Variants in CUX2 observed in about 807,000 individuals in gnomAD.
CUX2 encodes homeobox protein cut-like 2.
A neutral mutation model predicts 144.8 loss-of-function variants in CUX2; 40 were observed. That is an observed-to-expected ratio of 0.28 (90% confidence interval 0.21 to 0.36). CUX2 has a LOEUF of 0.36. Among genes scored for constraint, CUX2 ranks in the 10% least tolerant of loss-of-function variants. The pLI is 1.00. For synonymous variants in CUX2, 827 were observed against 875.6 expected (o/e 0.94, Z 0.98); for missense variants, 1,615 against 1,994.0 (o/e 0.81, Z 3.62).
chr12:111,071,549 C>T (rs1335351920), intron 1 of CUX2, among the ~76,000 whole-genome samples: 1 of 152,142 alleles, frequency 6.6e-6, no homozygotes, highest in East Asian at 1.9e-4. Context: ...TATTTTCTCC[C>T]AGTCTGTGGC....
At chr12:111,125,623 C>T (rs184614088) in intron 1 of CUX2, among the ~76,000 whole-genome samples, 1 of 152,322 alleles carries the variant, frequency 6.6e-6, no homozygotes, top group Admixed American at 6.5e-5. Flanking sequence ...AGATATATCA[C>T]ATTTTATGTA....
chr12:111,256,741 T>G (rs1883835886), intron 3 of CUX2, among the ~76,000 whole-genome samples: 1 of 152,174 alleles, frequency 6.6e-6, no homozygotes, highest in South Asian at 2.1e-4. Context: ...GCCAAGTGAC[T>G]TAACATCCCT....
At chr12:111,099,838 C>G (rs931763336) in intron 1 of CUX2, 1 of 418,296 alleles carries the variant, frequency 2.4e-6, no homozygotes, top group Admixed American at 2.5e-5. Context: ...GGCCGATGGG[C>G]AGCTAGGAGG....
At chr12:111,298,740 G>T in intron 9 of CUX2, 151 bp downstream of exon 9, 1 of 916,528 alleles carries the variant, frequency 1.1e-6, no homozygotes, top group Non-Finnish European at 1.6e-6. Context: ...GCCAGGAGGA[G>T]TCTGGGCCCC....
At position 111,077,987 on chromosome 12, in the gene CUX2, A is replaced by C. The variant is rs1871630628; in HGVS notation, c.63+43747A>C. Among the ~76,000 whole-genome samples the C allele has an allele frequency of 6.6e-6, 1 of 152,254 alleles. No individual in the cohort carries two copies. The highest frequency in any genetic ancestry group is 1.5e-5 in the Non-Finnish European group (1 of 68,034). On this transcript the variant is annotated intron_variant, in intron 1 of 21. Transcript: ENST00000261726. The surrounding 1 kb of genome is among the most constrained non-coding windows in gnomAD (Gnocchi z 4.1). ...AACAAAGGGAGTCCAGGTGGTACCC[A>C]GGGGTGGCAAAGGCATCTCAGCTCT...
At chr12:111,335,109 G>T (rs1448137437) in intron 19 of CUX2, among the ~76,000 whole-genome samples, 2 of 151,964 alleles carry the variant, frequency 1.3e-5, no homozygotes, top group African/African-American at 4.8e-5. Context: ...ATAAATTAAT[G>T]GCTGTGCATG....
Position 111,334,508 on chromosome 12 carries a change from C to T in CUX2, c.2994C>T (p.Ser998=). ...GCCCCACAGAGCCTGAGAAGAGCTC[C>T]CAGGAGCCGTTGAGCCTGTCCCTGG... ...PPSPTEPEKS[S]QEPLSLSLES... is the part of the protein sequence containing the mutation. The change falls in exon 19 of 22, where the codon TCC becomes TCT. Residue 998 remains serine (S), a synonymous_variant. Coordinates refer to ENST00000261726, the MANE Select transcript of CUX2 (RefSeq NM_015267.4). 6.2e-7 allele frequency: 1 copy of T among 1,613,852 alleles called. No individual in the cohort carries two copies.
intron 4 of CUX2, among the ~76,000 whole-genome samples, chr12:111,278,203 G>T (rs907929315): frequency 5.9e-5 from 9 of 152,186 alleles, no homozygotes; most frequent in African/African-American, 2.2e-4. Context: ...GATCACCTGA[G>T]CCCAGGAGTT....
chr12:111,309,497 G>C (rs1295718198), intron 14 of CUX2, among the ~76,000 whole-genome samples: 1 of 152,206 alleles, frequency 6.6e-6, no homozygotes, highest in Non-Finnish European at 1.5e-5. Flanking sequence ...AAGAGTGGGA[G>C]TTGGAGAATG....
intron 3 of CUX2, among the ~76,000 whole-genome samples, chr12:111,261,070 C>T (rs1020709315): frequency 9.9e-5 from 15 of 152,188 alleles, no homozygotes; most frequent in African/African-American, 3.4e-4. Flanking sequence ...TCTGAACACC[C>T]GGCCCCACTG....
At chr12:111,303,904 G>T (rs1195373411) in intron 9 of CUX2, among the ~76,000 whole-genome samples, 2 of 152,134 alleles carry the variant, frequency 1.3e-5, no homozygotes, top group Non-Finnish European at 2.9e-5. Context: ...CCTTCATAGA[G>T]CAGGAATGTT....
intron 20 of CUX2, among the ~76,000 whole-genome samples, chr12:111,340,268 C>G (rs545829370): frequency 4.6e-5 from 7 of 152,324 alleles, no homozygotes; most frequent in Admixed American, 1.3e-4. Context: ...TACCTTCTTT[C>G]ATTCTGAAGT....
At chr12:111,343,939 G>C (rs2136452426) in intron 21 of CUX2, among the ~76,000 whole-genome samples, 1 of 152,190 alleles carries the variant, frequency 6.6e-6, no homozygotes, top group East Asian at 1.9e-4. Context: ...TGTAATTCCA[G>C]CTACTCAGGA....
rs200547493 is a variant in CUX2 at position 111,348,162 on chromosome 12, C to T, written c.4298C>T (p.Pro1433Leu). 411 of 1,614,068 alleles carry T rather than the reference C, an allele frequency of 2.5e-4. 1 individual carries two copies. Among genetic ancestry groups the T allele is most frequent in the African/African-American group, 1.9e-3 (141 of 75,022 alleles). ...CCTGGCGCCCCCCCTGCCAAAGTGC[C>T]GAGTGCCAGCCCCACTGCTGACATG... Reference protein sequence around the residue: ...SPPGAPPAKVPSASPTADMAG... With the variant: ...SPPGAPPAKVLSASPTADMAG... Residue 1433 changes from proline to leucine, a missense_variant, in exon 22 of 22, where the codon CCG becomes CTG. Pro to Leu is a moderately conservative substitution (Grantham distance 98). Coordinates refer to ENST00000261726, the MANE Select transcript of CUX2 (RefSeq NM_015267.4).
At chr12:111,302,899 T>TAAA (rs35454022) in intron 9 of CUX2, among the ~76,000 whole-genome samples, 1 of 109,464 alleles carries the variant, frequency 9.1e-6, no homozygotes, top group African/African-American at 3.1e-5. Context: ...GACTCTGTCT[T>TAAA]AAAAAAAAAA....
At chr12:111,115,275 A>ATT (rs869063979) in intron 1 of CUX2, among the ~76,000 whole-genome samples, 2 of 140,440 alleles carry the variant, frequency 1.4e-5, no homozygotes, top group African/African-American at 2.7e-5. Context: ...AGATAATAAA[A>ATT]TTTCTTTTTT....
At chr12:111,257,750 T>TCTTCCTCCCTCTTTCTCCC (rs1783766101) in intron 3 of CUX2, among the ~76,000 whole-genome samples, 5 of 146,470 alleles carry the variant, frequency 3.4e-5, no homozygotes, top group Non-Finnish European at 6.0e-5. Flanking sequence ...TTTCTTCTCC[T>TCTTCCTCCCTCTTTCTCCC]CTTCCTCCCT....
Position 111,197,046 on chromosome 12 carries a change from T to C in CUX2, c.64-17154T>C, listed in dbSNP as rs141111111. Among the ~76,000 whole-genome samples, 381 of 152,252 alleles carry C rather than the reference T, an allele frequency of 2.5e-3. 1 individual carries two copies. The highest frequency in any genetic ancestry group is 4.4e-3 in the Non-Finnish European group (298 of 68,020). On this transcript the variant is annotated intron_variant, in intron 1 of 21. Transcript: ENST00000261726. ...AAATTGGGGCATCTTGTAGAGGCAC[T>C]AAAAGAGAGTGGACGGGCTCTGGAG...
chr12:111,262,826 A>C (rs531325623), intron 3 of CUX2, among the ~76,000 whole-genome samples: 1 of 152,330 alleles, frequency 6.6e-6, no homozygotes, highest in East Asian at 1.9e-4. Flanking sequence ...TAGTGGCAAG[A>C]AATATTCTCT....
Sources: allele counts gnomAD v4.1 joint callset (sites outside exome capture counted in the v4.1 genomes callset), GRCh38; gene constraint gnomAD v4.1.1; non-coding constraint Gnocchi (gnomAD v3.1); transcripts MANE v1.5; gene names NCBI Gene and HGNC (gene_info 2026-07-23, HGNC 2026-07-21).